Variants in ZFAND3 observed in about 807,000 individuals in gnomAD.
ZFAND3 encodes the protein AN1-type zinc finger protein 3.
In ZFAND3, 10 loss-of-function variants were observed where a neutral mutation model predicts 29.6. That is an observed-to-expected ratio of 0.34 (90% CI 0.21 to 0.57). The LOEUF (loss-of-function observed/expected upper bound fraction) is 0.57. ZFAND3 is among the 20% of genes least tolerant of loss of function. ZFAND3 has a pLI of 0.86. For missense variants in ZFAND3, 230 were observed against 304.5 expected, an observed-to-expected ratio of 0.76 and a Z score of 1.82; for synonymous variants, 128 against 112.6, an observed-to-expected ratio of 1.14 and a Z score of -0.87.
rs117809681 is a variant in ZFAND3 at position 37,921,163 on chromosome 6, T to A, written c.72-8796T>A. Among the ~76,000 whole-genome samples, 4 of 152,292 alleles carry A rather than the reference T, an allele frequency of 2.6e-5. No homozygotes were observed. The East Asian group carries it at 7.7e-4, about 29-fold the overall frequency. ...CTTTGTCTGGATTATTAGAAGAGGT[T>A]GAATTCAGAAATGTGACTAATTTTT... is the stretch of plus-strand genomic sequence containing the variant. On this transcript the variant is annotated intron_variant, in intron 1 of 5. Coordinates refer to ENST00000287218, the MANE Select transcript of ZFAND3 (RefSeq NM_021943.3).
chr6:38,138,094 T>C (rs910587552), intron 5 of ZFAND3, among the ~76,000 whole-genome samples: 5 of 152,044 alleles, frequency 3.3e-5, no homozygotes, highest in Non-Finnish European at 7.4e-5. Context: ...GGAGTATCAG[T>C]TGAGCTCAGG....
Position 37,927,883 on chromosome 6 carries a change from T to G in ZFAND3, c.72-2076T>G, listed in dbSNP as rs189185183. On this transcript the variant is annotated intron_variant, in intron 1 of 5. Coordinates refer to ENST00000287218, the MANE Select transcript of ZFAND3 (RefSeq NM_021943.3). ...TACAGGTGTTGGAATTAGACCAGAT[T>G]AATTCACTTACTAGTTCTGTAATCT... is the stretch of plus-strand genomic sequence containing the variant. Among the ~76,000 whole-genome samples, 11 of 152,324 alleles carry G rather than the reference T, an allele frequency of 7.2e-5. No individual in the cohort carries two copies. The East Asian group carries it at 7.7e-4, about 11-fold the overall frequency.
At chr6:38,144,173 T>TTG (rs1766021416) in intron 5 of ZFAND3, among the ~76,000 whole-genome samples, 2 of 18,410 alleles carry the variant, frequency 1.1e-4, no homozygotes, top group African/African-American at 6.1e-4. Context: ...AAAAATGTGA[T>TTG]ATATATATAT....
intron 2 of ZFAND3, among the ~76,000 whole-genome samples, chr6:38,000,100 C>G (rs1446478309): frequency 6.6e-6 from 1 of 151,876 alleles, no homozygotes; most frequent in Non-Finnish European, 1.5e-5. Flanking sequence ...TACTTATCCC[C>G]CTATTGGAGT....
intron 2 of ZFAND3, among the ~76,000 whole-genome samples, chr6:37,938,819 G>A (rs1044012681): frequency 3.3e-5 from 5 of 152,164 alleles, no homozygotes; most frequent in African/African-American, 9.7e-5. Flanking sequence ...CATTTCTAAC[G>A]GGAAACAGTG....
intron 1 of ZFAND3, among the ~76,000 whole-genome samples, chr6:37,895,276 A>G (rs1054854118): frequency 6.6e-6 from 1 of 151,448 alleles, no homozygotes; most frequent in Non-Finnish European, 1.5e-5. Flanking sequence ...TCTTAATTTC[A>G]TCCAGTGTTT....
chr6:38,025,911 A>G (rs563655079), intron 2 of ZFAND3, among the ~76,000 whole-genome samples: 6 of 152,162 alleles, frequency 3.9e-5, no homozygotes, highest in Non-Finnish European at 7.4e-5. Flanking sequence ...TCCTTGCTAA[A>G]GGGTACAGGG....
intron 2 of ZFAND3, among the ~76,000 whole-genome samples, chr6:37,932,205 T>G (rs1408628400): frequency 3.3e-5 from 5 of 151,226 alleles, no homozygotes; most frequent in African/African-American, 1.2e-4. Flanking sequence ...GGAGGCGGAG[T>G]TTGCAGTGAG....
chr6:37,883,325 A>T (rs1449121041), intron 1 of ZFAND3, among the ~76,000 whole-genome samples: 2 of 152,182 alleles, frequency 1.3e-5, no homozygotes, highest in Non-Finnish European at 2.9e-5. Flanking sequence ...ACATCCAGAG[A>T]GTAAGTTTAG....
intron 2 of ZFAND3, among the ~76,000 whole-genome samples, chr6:37,941,375 T>C (rs1302225721): frequency 6.6e-6 from 1 of 152,214 alleles, no homozygotes; most frequent in Non-Finnish European, 1.5e-5. Context: ...TCTTTTCTTT[T>C]AGTTCAGTTG....
chr6:38,154,616 C>A lies in ZFAND3; in HGVS notation c.*2227C>A, dbSNP rs746801426. The A allele has an allele frequency of 6.3e-6, 6 of 949,798 alleles. No homozygotes were observed. In the East Asian group the frequency reaches 5.8e-4, roughly 92 times the overall value. 58.8% of individuals were successfully genotyped at this position (949,798 alleles called of 1,614,324 possible). ...TGCTGAAAAAAAAAATTAAACCAAT[C>A]GTATGAAAGTTTGGTTTTCTTGTTT... On this transcript the variant is annotated 3_prime_UTR_variant, in exon 6 of 6. Transcript: ENST00000287218.
intron 2 of ZFAND3, among the ~76,000 whole-genome samples, chr6:37,982,954 T>G (rs1762604744): frequency 1.3e-5 from 2 of 152,146 alleles, no homozygotes; most frequent in African/African-American, 4.8e-5. Context: ...GTGTTTGTGT[T>G]GCAGTTTTTA....
At chr6:37,959,622 C>G (rs1174973804) in intron 2 of ZFAND3, among the ~76,000 whole-genome samples, 1 of 152,008 alleles carries the variant, frequency 6.6e-6, no homozygotes, top group Non-Finnish European at 1.5e-5. Flanking sequence ...TTTGAATATA[C>G]AAGAATTTGA....
At chr6:37,945,384 T>A (rs1030422348) in intron 2 of ZFAND3, among the ~76,000 whole-genome samples, 2 of 152,174 alleles carry the variant, frequency 1.3e-5, no homozygotes, top group African/African-American at 4.8e-5. Flanking sequence ...AAATTTTGCA[T>A]TGGAAGATCA....
intron 1 of ZFAND3, among the ~76,000 whole-genome samples, chr6:37,919,515 ATT>A (rs879524380): frequency 6.8e-6 from 1 of 146,970 alleles, no homozygotes; most frequent in Admixed American, 6.8e-5. Flanking sequence ...TATCACATTC[ATT>A]TTTTTTTTTA....
At chr6:38,099,574 A>C (rs1374547183) in intron 4 of ZFAND3, among the ~76,000 whole-genome samples, 1 of 152,222 alleles carries the variant, frequency 6.6e-6, no homozygotes, top group Non-Finnish European at 1.5e-5. Context: ...AATTAGTTAC[A>C]TGCTATGCAT....
chr6:38,103,114 A>G (rs889956594), intron 4 of ZFAND3, among the ~76,000 whole-genome samples: 1 of 152,188 alleles, frequency 6.6e-6, no homozygotes, highest in African/African-American at 2.4e-5. Flanking sequence ...TGCCCATCTT[A>G]AACACAGTTA....
chr6:37,963,958 TTCTGGAAGAATTGTCAAC>T (rs1180248203), intron 2 of ZFAND3, among the ~76,000 whole-genome samples: 20 of 152,212 alleles, frequency 1.3e-4, no homozygotes, highest in African/African-American at 4.6e-4. Context: ...AATCCTACTT[TTCTGGAAGAATTGTCAAC>T]TGTTTTTGGC....
intron 1 of ZFAND3, among the ~76,000 whole-genome samples, chr6:37,909,217 G>A (rs1331666928): frequency 6.6e-6 from 1 of 151,952 alleles, no homozygotes; most frequent in Non-Finnish European, 1.5e-5. Context: ...AATCCATTAA[G>A]AGGGAAGACT....
Sources: allele counts gnomAD v4.1 joint callset (sites outside exome capture counted in the v4.1 genomes callset), GRCh38; gene constraint gnomAD v4.1.1; transcripts MANE v1.5; gene names NCBI Gene and HGNC (gene_info 2026-07-23, HGNC 2026-07-21).